The following ANKS6 variants were observed in gnomAD, a reference collection of about 807,000 sequenced individuals.
ANKS6 encodes ankyrin repeat and sterile alpha motif domain containing 6.
A neutral mutation model predicts 77.9 loss-of-function variants in ANKS6; 47 were observed. The ratio of observed to expected loss-of-function variants is 0.60; its 90% CI spans 0.48 to 0.77. The LOEUF is 0.77. ANKS6 is among the 30% of genes least tolerant of loss of function. The pLI is 0.00. For synonymous variants in ANKS6, 488 were observed against 501.7 expected (o/e 0.97, Z 0.37); for missense variants, 1,150 against 1,159.1 (o/e 0.99, Z 0.11).
chr9:98,760,393 AATCCTACCCTCTAATCCTG>A (rs1255000199), intron 11 of ANKS6, among the ~76,000 whole-genome samples: 1 of 129,682 alleles, frequency 7.7e-6, no homozygotes, highest in Non-Finnish European at 1.7e-5. Flanking sequence ...TCAACCCTCT[AATCCTACCCTCTAATCCTG>A]CCCTCTAATC....
chr9:98,793,498 T>C, intron 1 of ANKS6, among the ~76,000 whole-genome samples: 1 of 152,292 alleles, frequency 6.6e-6, no homozygotes, highest in East Asian at 1.9e-4. Context: ...AAGTCAGTGC[T>C]CAATAAAGGT....
At chr9:98,755,701 C>A (rs1382029901) in intron 12 of ANKS6, among the ~76,000 whole-genome samples, 1 of 152,178 alleles carries the variant, frequency 6.6e-6, no homozygotes, top group Non-Finnish European at 1.5e-5. Context: ...TAGGTTGGAC[C>A]CCAACTCCGC....
Position 98,761,116 on chromosome 9 carries a change from G to A in ANKS6, c.2143-4513C>T, listed in dbSNP as rs1440287783. On this transcript the variant is annotated intron_variant, in intron 11 of 14. Coordinates refer to ENST00000353234, the MANE Select transcript of ANKS6 (RefSeq NM_173551.5). ...TCTATCTTAATTATGGTTTTAATTT[G>A]CATTATCCTAGTACCTAATGGTTAA... 1.3e-5 allele frequency among the ~76,000 whole-genome samples: 2 copies of A among 152,102 alleles called. 1 individual carries two copies. The highest frequency in any genetic ancestry group is 2.9e-5 in the Non-Finnish European group (2 of 68,016).
chr9:98,758,092 C>A (rs1189811675), intron 11 of ANKS6, among the ~76,000 whole-genome samples: 1 of 152,058 alleles, frequency 6.6e-6, no homozygotes, highest in Admixed American at 6.6e-5. Context: ...TTTTCTATTG[C>A]CCTCCTTCCT....
intron 4 of ANKS6, 40 bp downstream of exon 4, chr9:98,783,913 T>C (rs543050887): frequency 4.8e-6 from 7 of 1,468,530 alleles, no homozygotes; most frequent in Non-Finnish European, 5.4e-6. Flanking sequence ...CCAGAGCATC[T>C]GTCTGGCCTT....
At position 98,732,763 on chromosome 9, in the gene ANKS6, C is replaced by A. The variant is rs749459535; in HGVS notation, c.*3756G>T. The stretch of plus-strand genomic sequence containing the variant: ...GGAAGAAGAAACGTGCTCAACATCA[C>A]GCAGCACTAGGTCTATGTCCAGTGC... On this transcript the variant is annotated 3_prime_UTR_variant, in exon 15 of 15. Coordinates refer to ENST00000353234, the MANE Select transcript of ANKS6 (RefSeq NM_173551.5). 7.3e-5 allele frequency: 104 copies of A among 1,416,760 alleles called. No homozygotes were observed. Among genetic ancestry groups the A allele is most frequent in the Non-Finnish European group, 9.5e-5 (103 of 1,088,032 alleles). The allele number at this position is 1,416,760 out of a possible 1,614,324, so 87.8% of individuals were successfully genotyped here. A position where few individuals can be genotyped will look rare whatever the true frequency, so the allele number is the denominator to read the frequency against.
intron 11 of ANKS6, among the ~76,000 whole-genome samples, chr9:98,762,990 C>T (rs1027019225): frequency 3.3e-5 from 5 of 151,928 alleles, no homozygotes; most frequent in Non-Finnish European, 7.4e-5. Flanking sequence ...GAGGCAAAAA[C>T]CAACAGAACT....
intron 14 of ANKS6, among the ~76,000 whole-genome samples, chr9:98,743,453 G>A (rs1041146899): frequency 2.0e-5 from 3 of 152,102 alleles, no homozygotes; most frequent in Non-Finnish European, 2.9e-5. Flanking sequence ...CTCACTACAG[G>A]GCCTTTGCAC....
intron 14 of ANKS6, among the ~76,000 whole-genome samples, chr9:98,741,834 T>A (rs1588319960): frequency 6.6e-6 from 1 of 152,346 alleles, no homozygotes; most frequent in South Asian, 2.1e-4. Flanking sequence ...TATTACATTA[T>A]GAGCCAGGTT....
At chr9:98,762,103 CTAAG>C (rs1250300394) in intron 11 of ANKS6, among the ~76,000 whole-genome samples, 1 of 151,964 alleles carries the variant, frequency 6.6e-6, no homozygotes, top group Non-Finnish European at 1.5e-5. Context: ...AGATTTATAC[CTAAG>C]TATTATATTA....
Position 98,734,042 on chromosome 9 carries a change from C to A in ANKS6, c.*2477G>T. On this transcript the variant is annotated 3_prime_UTR_variant, in exon 15 of 15. Transcript: ENST00000353234. ...CACCCAACTGACCCCTCCTCCCTGA[C>A]GATCTATAACCTACATGTTCCGTGC... The A allele has an allele frequency of 6.1e-6, 6 of 985,354 alleles. No homozygotes were observed. The highest frequency in any genetic ancestry group is 7.2e-6 in the Non-Finnish European group (6 of 829,966). 61.0% of individuals were successfully genotyped at this position (985,354 alleles called of 1,614,324 possible).
chr9:98,749,692 A>G (rs1253371763), intron 13 of ANKS6, among the ~76,000 whole-genome samples: 2 of 152,226 alleles, frequency 1.3e-5, no homozygotes, highest in Non-Finnish European at 2.9e-5. Context: ...ATACGGAAAG[A>G]TTTCTTGGAG....
chr9:98,750,393 G>A (rs1159215426), intron 13 of ANKS6, among the ~76,000 whole-genome samples: 1 of 152,228 alleles, frequency 6.6e-6, no homozygotes, highest in South Asian at 2.1e-4. Context: ...CCATGGCACA[G>A]GCATATTTTA....
chr9:98,764,884 C>T (rs925977774), intron 11 of ANKS6, among the ~76,000 whole-genome samples: 2 of 152,156 alleles, frequency 1.3e-5, no homozygotes, highest in African/African-American at 4.8e-5. Context: ...TGCTTCATTT[C>T]TAAGGAGTGT....
At chr9:98,772,491 G>A (rs2118043912) in intron 9 of ANKS6, among the ~76,000 whole-genome samples, 1 of 152,274 alleles carries the variant, frequency 6.6e-6, no homozygotes, top group Non-Finnish European at 1.5e-5. Context: ...AGTTTGTGGT[G>A]ACTTGTTACA....
chr9:98,744,530 C>T (rs749567558), intron 14 of ANKS6, among the ~76,000 whole-genome samples: 2 of 152,108 alleles, frequency 1.3e-5, no homozygotes, highest in African/African-American at 4.8e-5. Flanking sequence ...GATGAGGAAA[C>T]GTATGCAGTG....
intron 13 of ANKS6, among the ~76,000 whole-genome samples, chr9:98,748,199 A>G (rs1488490639): frequency 1.3e-5 from 2 of 152,180 alleles, no homozygotes; most frequent in Admixed American, 6.5e-5. Context: ...TGACAGCATC[A>G]ATCAATCAAT....
chr9:98,776,893 A>G (rs954519107), intron 8 of ANKS6, among the ~76,000 whole-genome samples: 3 of 152,236 alleles, frequency 2.0e-5, no homozygotes, highest in Non-Finnish European at 4.4e-5. Context: ...CCTAACTCCA[A>G]TGAGCCATAT....
chr9:98,779,147 G>GC (rs1834086902), intron 6 of ANKS6, among the ~76,000 whole-genome samples: 1 of 152,240 alleles, frequency 6.6e-6, no homozygotes, highest in East Asian at 1.9e-4. Context: ...ACCACCCCAT[G>GC]CAGACTGGGG....
Sources: gnomAD v4.1 joint callset for allele counts (sites outside exome capture counted in the v4.1 genomes callset) on GRCh38, gnomAD v4.1.1 for gene constraint, MANE v1.5 for transcripts, NCBI Gene and HGNC (gene_info 2026-07-23, HGNC 2026-07-21) for gene names.